Variants in PIBF1 observed in about 807,000 individuals in gnomAD.
PIBF1 encodes progesterone-induced-blocking factor 1.
Under a neutral mutation model 112.5 loss-of-function variants are expected in PIBF1, and 90 were observed. The ratio of observed to expected loss-of-function variants is 0.80; its 90% CI spans 0.67 to 0.95. PIBF1 has a LOEUF of 0.95. Among genes scored for constraint, PIBF1 ranks in the 40% least tolerant of loss-of-function variants. The probability of loss-of-function intolerance (pLI) is 0.00; values close to 1 mark genes in which losing one functional copy is unlikely to be tolerated. For missense variants in PIBF1, 915 were observed against 852.3 expected (o/e 1.07, Z -0.92); for synonymous variants, 301 against 288.6 (o/e 1.04, Z -0.44).
intron 5 of PIBF1, among the ~76,000 whole-genome samples, chr13:72,812,316 T>C (rs1246818770): frequency 6.6e-6 from 1 of 152,224 alleles, no homozygotes; most frequent in Non-Finnish European, 1.5e-5. Flanking sequence ...AATTAACAGA[T>C]GCATATGATG....
At chr13:73,001,073 T>C (rs143748177) in intron 17 of PIBF1, among the ~76,000 whole-genome samples, 2 of 152,174 alleles carry the variant, frequency 1.3e-5, no homozygotes, top group African/African-American at 4.8e-5. Flanking sequence ...TGTAAGCTAA[T>C]GCAGAATTAG....
intron 9 of PIBF1, among the ~76,000 whole-genome samples, chr13:72,839,211 A>C (rs1025037516): frequency 6.6e-6 from 1 of 152,200 alleles, no homozygotes; most frequent in African/African-American, 2.4e-5. Context: ...CTGGATTAGT[A>C]TCAGTAAAGA....
At chr13:72,908,398 C>T in intron 11 of PIBF1, 133 bp from the exon 12 acceptor site, 1 of 415,968 alleles carries the variant, frequency 2.4e-6, no homozygotes, top group Non-Finnish European at 4.3e-6. Flanking sequence ...CCTCATTAGT[C>T]ATCTTAATTG....
intron 15 of PIBF1, among the ~76,000 whole-genome samples, chr13:72,968,561 A>C (rs1157834070): frequency 1.3e-5 from 2 of 152,048 alleles, no homozygotes; most frequent in Admixed American, 1.3e-4. Flanking sequence ...TTGGCCTCCC[A>C]AAGTGCTGGG....
chr13:72,834,330 A>G (rs1482768103), intron 8 of PIBF1, among the ~76,000 whole-genome samples: 1 of 152,176 alleles, frequency 6.6e-6, no homozygotes, highest in Non-Finnish European at 1.5e-5. Flanking sequence ...ATATCGACAT[A>G]CCAAAACAAA....
intron 14 of PIBF1, among the ~76,000 whole-genome samples, chr13:72,944,877 C>T (rs896860151): frequency 3.9e-5 from 6 of 152,092 alleles, no homozygotes; most frequent in Non-Finnish European, 8.8e-5. Context: ...AGCGATTCTC[C>T]TGCCTCAGCC....
intron 3 of PIBF1, among the ~76,000 whole-genome samples, chr13:72,793,412 C>A (rs898484097): frequency 2.4e-4 from 37 of 152,202 alleles, no homozygotes; most frequent in African/African-American, 6.7e-4. Context: ...GTATCAGGAA[C>A]AGTTGAAGGG....
At chr13:72,831,156 CTT>C (rs911983910) in intron 8 of PIBF1, among the ~76,000 whole-genome samples, 5 of 151,244 alleles carry the variant, frequency 3.3e-5, no homozygotes, top group African/African-American at 4.8e-5. Context: ...TTCTTCCTCT[CTT>C]CTTTATTAGT....
chr13:72,950,800 A>G (rs1210310420), intron 14 of PIBF1, among the ~76,000 whole-genome samples: 2 of 152,182 alleles, frequency 1.3e-5, no homozygotes, highest in Non-Finnish European at 2.9e-5. Context: ...GGAGTTGGGG[A>G]GAAACAGAGA....
At chr13:72,791,808 T>C in intron 2 of PIBF1, among the ~76,000 whole-genome samples, 1 of 151,742 alleles carries the variant, frequency 6.6e-6, no homozygotes, top group Admixed American at 6.6e-5. Context: ...AATTTTTGTA[T>C]TTTTTAGTAA....
intron 10 of PIBF1, among the ~76,000 whole-genome samples, chr13:72,883,531 G>A (rs1027461659): frequency 2.0e-5 from 3 of 152,118 alleles, no homozygotes; most frequent in African/African-American, 7.2e-5. Context: ...CTCTAGCCCT[G>A]GCTGGAGTGT....
intron 11 of PIBF1, among the ~76,000 whole-genome samples, chr13:72,904,924 C>T (rs2040639359): frequency 6.6e-6 from 1 of 151,890 alleles, no homozygotes; most frequent in Non-Finnish European, 1.5e-5. Flanking sequence ...TGTTAACTAA[C>T]AAATCAGCCT....
intron 9 of PIBF1, among the ~76,000 whole-genome samples, chr13:72,848,900 C>G (rs1053943080): frequency 6.6e-6 from 1 of 151,792 alleles, no homozygotes; most frequent in Non-Finnish European, 1.5e-5. Flanking sequence ...GTAACCATAC[C>G]TCTTGGTTTG....
intron 17 of PIBF1, among the ~76,000 whole-genome samples, chr13:73,013,039 C>T (rs1033834548): frequency 2.6e-5 from 4 of 151,754 alleles, no homozygotes; most frequent in East Asian, 1.9e-4. Flanking sequence ...CGGTGGCTCA[C>T]GCCTGTAATC....
At chr13:72,802,189 C>G (rs570919484) in intron 5 of PIBF1, among the ~76,000 whole-genome samples, 1 of 151,948 alleles carries the variant, frequency 6.6e-6, no homozygotes, top group South Asian at 2.1e-4. Context: ...GGAGTTGGTA[C>G]CCCAACCCCT....
chr13:72,802,187 T>C (rs1218300635), intron 5 of PIBF1, among the ~76,000 whole-genome samples: 1 of 152,142 alleles, frequency 6.6e-6, no homozygotes, highest in Non-Finnish European at 1.5e-5. Flanking sequence ...TGGGAGTTGG[T>C]ACCCCAACCC....
chr13:72,955,868 T>A (rs1410218210), intron 14 of PIBF1, among the ~76,000 whole-genome samples: 1 of 152,180 alleles, frequency 6.6e-6, no homozygotes, highest in Admixed American at 6.5e-5. Context: ...AAGCCCCTCC[T>A]CGTTTTACTT....
chr13:72,895,857 G>A (rs2040261935), intron 11 of PIBF1, among the ~76,000 whole-genome samples: 1 of 152,260 alleles, frequency 6.6e-6, no homozygotes, highest in South Asian at 2.1e-4. Context: ...TACTCTGGGA[G>A]GTGGAAAGCC....
At chr13:72,846,184 A>G (rs1440651453) in intron 9 of PIBF1, among the ~76,000 whole-genome samples, 1 of 152,116 alleles carries the variant, frequency 6.6e-6, no homozygotes, top group Non-Finnish European at 1.5e-5. Context: ...TTTCTGTTCC[A>G]TTCTACCTCC....
Sources: allele counts gnomAD v4.1 joint callset (sites outside exome capture counted in the v4.1 genomes callset), GRCh38; gene constraint gnomAD v4.1.1; transcripts MANE v1.5; gene names NCBI Gene and HGNC (gene_info 2026-07-23, HGNC 2026-07-21).